Variants in TACR3 observed in about 807,000 individuals in gnomAD.
TACR3 encodes the protein tachykinin receptor 3.
A neutral mutation model predicts 35.0 loss-of-function variants in TACR3; 34 were observed. That is an observed-to-expected ratio of 0.97 (90% CI 0.74 to 1.30). TACR3 has a LOEUF of 1.30. TACR3 is among the 50% of genes most tolerant of loss of function. The pLI is 0.00. For synonymous variants in TACR3, 233 were observed against 221.1 expected (o/e 1.05, Z -0.48); for missense variants, 558 against 591.7 (o/e 0.94, Z 0.59).
chr4:103,652,933 T>C (rs981607706), intron 3 of TACR3, among the ~76,000 whole-genome samples: 2 of 152,046 alleles, frequency 1.3e-5, no homozygotes, highest in Non-Finnish European at 2.9e-5. Flanking sequence ...TCCAGAACAA[T>C]ATTTTGACTT....
chr4:103,688,941 C>G (rs1722325536), intron 1 of TACR3, among the ~76,000 whole-genome samples: 1 of 152,110 alleles, frequency 6.6e-6, no homozygotes, highest in Non-Finnish European at 1.5e-5. Flanking sequence ...TATAAAAACA[C>G]ATGCACGCGT....
intron 3 of TACR3, among the ~76,000 whole-genome samples, chr4:103,600,828 T>A (rs28869268): frequency 0.079 from 11,972 of 152,208 alleles, 1,163 homozygotes; most frequent in East Asian, 0.5. Context: ...TGAGAGACAG[T>A]TTGTTATAAT....
In TACR3 at chr4:103,631,707, C is replaced by T. The variant is rs972479035; in HGVS notation, c.888+24487G>A. 5.3e-5 allele frequency among the ~76,000 whole-genome samples: 8 copies of T among 152,104 alleles called. No homozygotes were observed. In the East Asian group the frequency reaches 1.5e-3, roughly 29 times the overall value. ...TCTCCCTGTTTATAACAATTCTGAC[C>T]TTAAGCAAGTCACATCACATGACTG... On this transcript the variant is annotated intron_variant, in intron 3 of 4. Transcript: ENST00000304883.
At chr4:103,719,039 A>G in intron 1 of TACR3, 89 bp downstream of exon 1, 3 of 1,550,596 alleles carry the variant, frequency 1.9e-6, no homozygotes, top group Non-Finnish European at 1.8e-6. Flanking sequence ...AGACCCCGTT[A>G]CGTTACTATT....
chr4:103,603,344 C>T (rs977680137), intron 3 of TACR3, among the ~76,000 whole-genome samples: 30 of 152,332 alleles, frequency 2.0e-4, no homozygotes, highest in South Asian at 1.0e-3. Context: ...TTGCACTTCC[C>T]GGGTGAGGTT....
At chr4:103,594,148 C>T (rs1723953143) in intron 3 of TACR3, among the ~76,000 whole-genome samples, 1 of 150,550 alleles carries the variant, frequency 6.6e-6, no homozygotes, top group Non-Finnish European at 1.5e-5. Flanking sequence ...TCAAGGCAAA[C>T]AAATTTAAAA....
chr4:103,600,311 T>A (rs543797651), intron 3 of TACR3, among the ~76,000 whole-genome samples: 1 of 152,346 alleles, frequency 6.6e-6, no homozygotes, highest in Non-Finnish European at 1.5e-5. Context: ...ATCCCCTTTA[T>A]CATTTTTTAT....
intron 3 of TACR3, among the ~76,000 whole-genome samples, chr4:103,653,272 A>G (rs943797325): frequency 1.3e-5 from 2 of 152,052 alleles, no homozygotes; most frequent in Non-Finnish European, 2.9e-5. Context: ...ATCAAAAGGT[A>G]ATGTTTTGCC....
chr4:103,651,496 C>T (rs894881399), intron 3 of TACR3, among the ~76,000 whole-genome samples: 7 of 151,640 alleles, frequency 4.6e-5, no homozygotes, highest in African/African-American at 1.5e-4. Flanking sequence ...AGTGGGCTCC[C>T]ATCTGGTCCA....
chr4:103,692,533 T>A (rs998716779), intron 1 of TACR3, among the ~76,000 whole-genome samples: 1 of 152,138 alleles, frequency 6.6e-6, no homozygotes, highest in Non-Finnish European at 1.5e-5. Flanking sequence ...TTAGTTAAGA[T>A]AAAGAAGATT....
In TACR3 at chr4:103,586,476, T is replaced by C. The variant is rs1723774398; in HGVS notation, c.*3206A>G. 6.6e-6 allele frequency: 1 copy of C among 152,104 alleles called. No individual in the cohort carries two copies. The highest frequency in any genetic ancestry group is 1.5e-5 in the Non-Finnish European group (1 of 67,998). 9.4% of individuals were successfully genotyped at this position (152,104 alleles called of 1,614,324 possible). On this transcript the variant is annotated 3_prime_UTR_variant, in exon 5 of 5. Transcript: ENST00000304883. The stretch of plus-strand genomic sequence containing the variant: ...TAGTTTACCAGGTACTAATCATAAA[T>C]TTTTAGAGGAAATTTTGCATTTGCA...
chr4:103,718,263 C>A (rs1266411025), intron 1 of TACR3, among the ~76,000 whole-genome samples: 1 of 152,120 alleles, frequency 6.6e-6, no homozygotes, highest in Admixed American at 6.5e-5. Context: ...CCTCATGTAT[C>A]CCCCATGCAA....
At chr4:103,646,447 G>A (rs1446141529) in intron 3 of TACR3, among the ~76,000 whole-genome samples, 1 of 151,798 alleles carries the variant, frequency 6.6e-6, no homozygotes, top group East Asian at 1.9e-4. Context: ...TCTTATTGAT[G>A]CATTTTATAA....
chr4:103,699,605 T>C (rs962990312), intron 1 of TACR3, among the ~76,000 whole-genome samples: 6 of 152,132 alleles, frequency 3.9e-5, no homozygotes, highest in African/African-American at 1.4e-4. Flanking sequence ...TGTAGTAATT[T>C]AGGTGAAAAA....
intron 1 of TACR3, among the ~76,000 whole-genome samples, chr4:103,687,771 T>C (rs1465551936): frequency 6.6e-6 from 1 of 152,148 alleles, no homozygotes; most frequent in Non-Finnish European, 1.5e-5. Context: ...TGGAAGAACA[T>C]TCCATGCTCA....
chr4:103,665,205 T>TA (rs1725910976), intron 1 of TACR3, among the ~76,000 whole-genome samples: 1 of 152,030 alleles, frequency 6.6e-6, no homozygotes, highest in Non-Finnish European at 1.5e-5. Context: ...AAGCTTTTAT[T>TA]AAAATAATCT....
intron 3 of TACR3, among the ~76,000 whole-genome samples, chr4:103,635,486 G>A (rs1725166799): frequency 6.6e-6 from 1 of 151,948 alleles, no homozygotes; most frequent in South Asian, 2.1e-4. Flanking sequence ...GCCTAATCAT[G>A]AAGGATTCTT....
chr4:103,664,534 C>T (rs1725896790), intron 1 of TACR3, among the ~76,000 whole-genome samples: 1 of 152,080 alleles, frequency 6.6e-6, no homozygotes, highest in Admixed American at 6.6e-5. Context: ...ACGAATTTTA[C>T]TCTCTTCCAA....
chr4:103,601,186 G>C (rs1724190912), intron 3 of TACR3, among the ~76,000 whole-genome samples: 1 of 152,100 alleles, frequency 6.6e-6, no homozygotes, highest in East Asian at 1.9e-4. Flanking sequence ...TCTTCTTGTT[G>C]AATTGATCCC....
Sources: allele counts gnomAD v4.1 joint callset (sites outside exome capture counted in the v4.1 genomes callset), GRCh38; gene constraint gnomAD v4.1.1; transcripts MANE v1.5; gene names NCBI Gene and HGNC (gene_info 2026-07-23, HGNC 2026-07-21).